Variants in RASGRF2 observed in about 807,000 individuals in gnomAD.
The protein encoded by RASGRF2 is Ras protein specific guanine nucleotide releasing factor 2, also known as ras-specific guanine nucleotide-releasing factor 2.
RASGRF2 carries 76 observed loss-of-function variants against 151.0 expected under a neutral mutation model. That is an observed-to-expected ratio of 0.50 (90% CI 0.42 to 0.61). The LOEUF is 0.61. Among genes scored for constraint, RASGRF2 ranks in the 20% least tolerant of loss-of-function variants. The pLI, the probability that RASGRF2 is intolerant of heterozygous loss-of-function variation, is 0.00. For missense variants in RASGRF2, 1,148 were observed against 1,564.6 expected (o/e 0.73, Z 4.49); for synonymous variants, 504 against 566.5 (o/e 0.89, Z 1.57).
At chr5:81,027,132 C>G (rs966536593) in intron 1 of RASGRF2, among the ~76,000 whole-genome samples, 1 of 152,162 alleles carries the variant, frequency 6.6e-6, no homozygotes, top group Non-Finnish European at 1.5e-5. Flanking sequence ...TCACCACCGT[C>G]TATTTCCAGA....
At chr5:81,159,123 C>T (rs1041976768) in intron 17 of RASGRF2, among the ~76,000 whole-genome samples, 1 of 152,084 alleles carries the variant, frequency 6.6e-6, no homozygotes, top group Non-Finnish European at 1.5e-5. Flanking sequence ...AATGTATAAG[C>T]AATCATGCTA....
At chr5:81,009,729 T>G (rs989886522) in intron 1 of RASGRF2, among the ~76,000 whole-genome samples, 4 of 152,256 alleles carry the variant, frequency 2.6e-5, no homozygotes, top group Non-Finnish European at 5.9e-5. Flanking sequence ...TGTAACATTA[T>G]GTACACTTTA....
chr5:81,043,245 T>C (rs1750735095), intron 2 of RASGRF2, among the ~76,000 whole-genome samples: 1 of 152,188 alleles, frequency 6.6e-6, no homozygotes, highest in Non-Finnish European at 1.5e-5. Context: ...CCAAGCACTA[T>C]TATATGTGCT....
rs1476095348 is a variant in RASGRF2, at chr5:81,085,881, T to C, written c.1241T>C (p.Phe414Ser). The C allele has an allele frequency of 1.2e-6, 2 of 1,614,106 alleles. No homozygotes were observed. Among genetic ancestry groups the C allele is most frequent in the South Asian group, 1.1e-5 (1 of 91,072 alleles). ...CATGTGGAAAGGAAAAGCCTGGAGT[T>C]TGCCAAATCAAAGCTAGAGGAACTA... ...HEHVERKSLE[F>S]AKSKLEELSR... Residue 414 changes from phenylalanine to serine, a missense_variant, in exon 8 of 27, where the codon TTT becomes TCT. Phe to Ser is a radical substitution (Grantham distance 155). Transcript: ENST00000265080.
At chr5:81,200,666 G>GA (rs1404155250) in intron 18 of RASGRF2, among the ~76,000 whole-genome samples, 14 of 152,166 alleles carry the variant, frequency 9.2e-5, no homozygotes, top group Admixed American at 2.6e-4. Context: ...TCATGGTCCA[G>GA]AAAAAAGCCA....
intron 2 of RASGRF2, among the ~76,000 whole-genome samples, chr5:81,057,837 A>C (rs560665596): frequency 9.2e-5 from 14 of 152,046 alleles, no homozygotes; most frequent in African/African-American, 3.1e-4. Flanking sequence ...TCCACAAAAC[A>C]ATCAAAAAAT....
At chr5:81,167,144 G>A (rs10942944) in intron 17 of RASGRF2, among the ~76,000 whole-genome samples, 97,789 of 152,084 alleles carry the variant, frequency 0.64, 32,292 homozygotes, top group East Asian at 0.79. Context: ...CCCTCCATGG[G>A]TAGAGTGACG....
At chr5:81,131,068 C>T (rs1037129362) in intron 17 of RASGRF2, among the ~76,000 whole-genome samples, 1 of 152,172 alleles carries the variant, frequency 6.6e-6, no homozygotes, top group Non-Finnish European at 1.5e-5. Context: ...AATTATTATG[C>T]TCTCAAACAT....
chr5:80,982,811 A>G (rs544502878), intron 1 of RASGRF2, among the ~76,000 whole-genome samples: 1 of 152,086 alleles, frequency 6.6e-6, no homozygotes, highest in Non-Finnish European at 1.5e-5. Context: ...CGTGTTAGCC[A>G]GGATGGTCTC....
intron 2 of RASGRF2, among the ~76,000 whole-genome samples, chr5:81,052,957 C>A (rs1365539395): frequency 6.6e-6 from 1 of 151,826 alleles, no homozygotes; most frequent in Non-Finnish European, 1.5e-5. Flanking sequence ...AGTCTTTATT[C>A]TCTGTGCACA....
intron 18 of RASGRF2, among the ~76,000 whole-genome samples, chr5:81,186,650 C>T (rs943882040): frequency 7.9e-5 from 12 of 152,146 alleles, no homozygotes; most frequent in African/African-American, 2.9e-4. Context: ...ACACAATTAA[C>T]AAATAAATAT....
chr5:80,995,973 G>A (rs1240354967), intron 1 of RASGRF2, among the ~76,000 whole-genome samples: 1 of 152,072 alleles, frequency 6.6e-6, no homozygotes, highest in Non-Finnish European at 1.5e-5. Context: ...GATTACAGGT[G>A]TGAGACACTG....
chr5:81,143,816 G>A lies in RASGRF2; in HGVS notation c.2686+16653G>A, dbSNP rs1331651894. ...GAGGCAGGAGAATTGCTTGAACCTGGGAGGCAGAGGTTGCAATGAGCTGAG... is the reference window on the plus strand; with the variant it reads ...GAGGCAGGAGAATTGCTTGAACCTGAGAGGCAGAGGTTGCAATGAGCTGAG... On this transcript the variant is annotated intron_variant, in intron 17 of 26. Coordinates refer to ENST00000265080, the MANE Select transcript of RASGRF2 (RefSeq NM_006909.3). Among the ~76,000 whole-genome samples the A allele has an allele frequency of 3.3e-5, 5 of 151,900 alleles. No homozygotes were observed. In the East Asian group the frequency reaches 7.8e-4, roughly 24 times the overall value.
intron 18 of RASGRF2, among the ~76,000 whole-genome samples, chr5:81,197,866 T>C (rs1755302221): frequency 6.6e-6 from 1 of 152,224 alleles, no homozygotes; most frequent in Non-Finnish European, 1.5e-5. Context: ...CATCTCTGAA[T>C]ACCTAACAAT....
chr5:81,135,091 G>A (rs1322320060), intron 17 of RASGRF2, among the ~76,000 whole-genome samples: 2 of 151,630 alleles, frequency 1.3e-5, no homozygotes, highest in African/African-American at 4.9e-5. Flanking sequence ...AGGATTGCTT[G>A]AGCCCAGGAG....
chr5:81,117,826 A>T (rs1002835208), intron 15 of RASGRF2, among the ~76,000 whole-genome samples: 1 of 152,222 alleles, frequency 6.6e-6, no homozygotes, highest in Admixed American at 6.5e-5. Flanking sequence ...CCAGAATAGG[A>T]TAGATATTCC....
rs1306590267 is a variant in RASGRF2, at chr5:81,229,482, T to C, written c.*3712T>C. Reference sequence around the variant, plus strand: ...TCAGCGGCCATTGGTGACTTAAAATTAAGATGAGGCAGAGCCAAAATGGAA... The same window carrying C: ...TCAGCGGCCATTGGTGACTTAAAATCAAGATGAGGCAGAGCCAAAATGGAA... On this transcript the variant is annotated 3_prime_UTR_variant, in exon 27 of 27. Transcript: ENST00000265080. 6.6e-6 allele frequency: 1 copy of C among 152,214 alleles called. No homozygotes were observed. Among genetic ancestry groups the C allele is most frequent in the Non-Finnish European group, 1.5e-5 (1 of 68,038 alleles). 9.4% of individuals were successfully genotyped at this position (152,214 alleles called of 1,614,324 possible).
chr5:81,216,836 A>G (rs1561264791), intron 24 of RASGRF2: 3 of 307,820 alleles, frequency 9.7e-6, no homozygotes, highest in South Asian at 8.1e-5. Context: ...ACCAAACAAA[A>G]CAGTGTCTCA....
At chr5:80,998,714 C>A (rs1489750062) in intron 1 of RASGRF2, among the ~76,000 whole-genome samples, 2 of 152,226 alleles carry the variant, frequency 1.3e-5, no homozygotes, top group African/African-American at 4.8e-5. Flanking sequence ...CCACGCTCCA[C>A]CCTTTTTCAC....
Sources: gnomAD v4.1 joint callset for allele counts (sites outside exome capture counted in the v4.1 genomes callset) on GRCh38, gnomAD v4.1.1 for gene constraint, MANE v1.5 for transcripts, NCBI Gene and HGNC (gene_info 2026-07-23, HGNC 2026-07-21) for gene names.